The following CACNA1B variants were observed in gnomAD, a reference collection of about 807,000 sequenced individuals.
CACNA1B encodes the protein calcium voltage-gated channel subunit alpha1 B.
In CACNA1B, 70 loss-of-function variants were observed where a neutral mutation model predicts 247.2. That is an observed-to-expected ratio of 0.28 (90% confidence interval 0.23 to 0.35). The LOEUF (loss-of-function observed/expected upper bound fraction) is 0.35. Ranked by LOEUF, CACNA1B falls within the 10% of genes least tolerant of loss-of-function variation. The pLI is 1.00. For missense variants in CACNA1B, 2,367 were observed against 3,197.4 expected (o/e 0.74, Z 6.26); for synonymous variants, 1,231 against 1,294.4 (o/e 0.95, Z 1.05).
Position 138,074,003 on chromosome 9 carries a change from C to G in CACNA1B, c.4794C>G (p.Ala1598=). ...CTGACCGGCCCCTGTCTCCGCAGGC[C>G]CTGCCCTACGTGTGTCTGCTCATTG... ...LLWTFVQSFK[A]LPYVCLLIAM... The change falls in exon 34 of 47, where the codon GCC becomes GCG. Residue 1598 remains alanine (A), a splice_region_variant and synonymous_variant. Coordinates refer to ENST00000371372, the MANE Select transcript of CACNA1B (RefSeq NM_000718.4). 6 of 1,611,604 alleles carry G rather than the reference C, an allele frequency of 3.7e-6. No homozygotes were observed. Among genetic ancestry groups the G allele is most frequent in the Non-Finnish European group, 5.1e-6 (6 of 1,179,634 alleles).
chr9:138,042,170 A>G (rs984582314), intron 20 of CACNA1B, among the ~76,000 whole-genome samples: 5 of 152,150 alleles, frequency 3.3e-5, no homozygotes, highest in African/African-American at 1.2e-4. Context: ...TGTTATTGTA[A>G]AAAAACTTAC....
intron 31 of CACNA1B, among the ~76,000 whole-genome samples, chr9:138,061,084 C>T (rs546032026): frequency 1.3e-5 from 2 of 152,330 alleles, no homozygotes; most frequent in South Asian, 2.1e-4. Flanking sequence ...GTGAAGACTG[C>T]GCACAGGAGC....
intron 6 of CACNA1B, among the ~76,000 whole-genome samples, chr9:137,929,100 C>G (rs1564194140): frequency 6.6e-6 from 1 of 152,116 alleles, no homozygotes; most frequent in African/African-American, 2.4e-5. Flanking sequence ...GGGTATGGAC[C>G]TAGGATTGGA....
intron 8 of CACNA1B, 79 bp from the exon 9 acceptor site, chr9:137,956,692 C>G: frequency 8.3e-7 from 1 of 1,211,964 alleles, no homozygotes; most frequent in Non-Finnish European, 1.2e-6. Flanking sequence ...GCAGGGCCTT[C>G]CAGACAGAGA....
At chr9:138,023,893 G>T in intron 19 of CACNA1B, 82 bp downstream of exon 19, 2 of 707,448 alleles carry the variant, frequency 2.8e-6, no homozygotes, top group Middle Eastern at 7.7e-4. Flanking sequence ...CGGCCATGGG[G>T]TCCACGGCGG....
At position 138,114,251 on chromosome 9, in the gene CACNA1B, G is replaced by C. The variant is rs1961774702; in HGVS notation, c.5537-127G>C. 8 of 630,196 alleles carry C rather than the reference G, an allele frequency of 1.3e-5. No homozygotes were observed. In the South Asian group the frequency reaches 1.5e-4, roughly 12 times the overall value. 39.0% of individuals were successfully genotyped at this position (630,196 alleles called of 1,614,324 possible). On this transcript the variant is annotated intron_variant, in intron 40 of 46. Coordinates refer to ENST00000371372, the MANE Select transcript of CACNA1B (RefSeq NM_000718.4). ...TTCTGCCTGAGAGCCCTCTGTCCCA[G>C]TGCATTTCCAGGAGTCTTTGTGGGG...
chr9:137,981,474 A>G lies in CACNA1B; in HGVS notation c.1657-2664A>G, dbSNP rs151280810. ...AGGTTGATCCCCTGGTTGATTAAGC[A>G]TGTTTTCTACCTTTTTTTGTGTGTG... On this transcript the variant is annotated intron_variant, in intron 12 of 46. Transcript: ENST00000371372. Among the ~76,000 whole-genome samples the G allele has an allele frequency of 4.6e-3, 707 of 152,202 alleles. 1 individual carries two copies. Among genetic ancestry groups the G allele is most frequent in the Non-Finnish European group, 7.0e-3 (476 of 68,018 alleles).
rs566557444 is a variant in CACNA1B at position 137,918,016 on chromosome 9, C to T, written c.966+585C>T. 7.0e-4 allele frequency among the ~76,000 whole-genome samples: 106 copies of T among 152,320 alleles called. 1 individual carries two copies. Among genetic ancestry groups the T allele is most frequent in the Non-Finnish European group, 9.8e-4 (67 of 68,034 alleles). ...GGTGAACCGCGGAGCAGGGCCGAGG[C>T]CCCCAAGACCTTCCTCGGTCACGCA... On this transcript the variant is annotated intron_variant, in intron 6 of 46. Coordinates refer to ENST00000371372, the MANE Select transcript of CACNA1B (RefSeq NM_000718.4).
At chr9:138,004,593 G>A (rs886351119) in intron 15 of CACNA1B, among the ~76,000 whole-genome samples, 8 of 150,836 alleles carry the variant, frequency 5.3e-5, no homozygotes, top group Non-Finnish European at 1.0e-4. Flanking sequence ...AAGCTGTATT[G>A]TTGAATGAAA....
rs548901748 is a variant in CACNA1B, at chr9:138,000,646, T to C, written c.1975-6121T>C. 5.9e-5 allele frequency among the ~76,000 whole-genome samples: 9 copies of C among 152,296 alleles called. No homozygotes were observed. In the South Asian group the frequency reaches 1.7e-3, roughly 28 times the overall value. On this transcript the variant is annotated intron_variant, in intron 15 of 46. Transcript: ENST00000371372. ...GGATGAAATCATTTCATGAGGCTAG[T>C]ACAACCTTGACACCAAAGCCATGCA...
intron 39 of CACNA1B, 53 bp from the exon 40 acceptor site, chr9:138,112,345 G>T (rs1961668159): frequency 2.9e-6 from 4 of 1,356,990 alleles, no homozygotes; most frequent in Non-Finnish European, 4.2e-6. Flanking sequence ...CGGCTGCAGG[G>T]CTGCTCCTAA....
chr9:137,904,068 CT>C (rs1455279704), intron 3 of CACNA1B, among the ~76,000 whole-genome samples: 1 of 152,156 alleles, frequency 6.6e-6, no homozygotes, highest in Non-Finnish European at 1.5e-5. Context: ...TTTCCTTTCT[CT>C]CATTGGTTTG....
At chr9:138,076,751 CTT>C (rs1960333755) in intron 35 of CACNA1B, among the ~76,000 whole-genome samples, 1 of 152,348 alleles carries the variant, frequency 6.6e-6, no homozygotes, top group East Asian at 1.9e-4. Flanking sequence ...GGAAGGAGCT[CTT>C]TTAGGGATTT....
At chr9:138,078,616 G>A (rs1027798479) in intron 36 of CACNA1B, among the ~76,000 whole-genome samples, 1 of 152,186 alleles carries the variant, frequency 6.6e-6, no homozygotes, top group Non-Finnish European at 1.5e-5. Context: ...GGGGAGGTCG[G>A]CAGGGCAGGC....
intron 7 of CACNA1B, among the ~76,000 whole-genome samples, chr9:137,953,297 A>G (rs1293449749): frequency 6.6e-6 from 1 of 152,194 alleles, no homozygotes; most frequent in Non-Finnish European, 1.5e-5. Context: ...CTCCCCAGTG[A>G]GGCTGGAGGA....
Position 138,023,737 on chromosome 9 carries a change from G to T in CACNA1B, c.2994G>T (p.Glu998Asp). ...AHEAVEKETTEKEATEKEAEI... is the reference protein window; with the variant it reads ...AHEAVEKETTDKEATEKEAEI... ...AGGCTGTGGAGAAGGAGACCACGGA[G>T]AAGGAGGCCACGGAGAAGGAGGCTG... The change falls in exon 19 of 47, where the codon GAG becomes GAT. Residue 998 changes from glutamate (E) to aspartate (D), a missense_variant. Around this residue, in one of 12 missense-constraint regions of CACNA1B, gnomAD observed 631 missense variants for 631.1 expected, o/e 1.00. Transcript: ENST00000371372. The T allele has an allele frequency of 1.3e-6, 2 of 1,536,868 alleles. No individual in the cohort carries two copies. The highest frequency in any genetic ancestry group is 1.8e-6 in the Non-Finnish European group (2 of 1,139,152).
At chr9:137,925,688 A>G (rs1957540783) in intron 6 of CACNA1B, among the ~76,000 whole-genome samples, 1 of 151,064 alleles carries the variant, frequency 6.6e-6, no homozygotes, top group Non-Finnish European at 1.5e-5. Flanking sequence ...CTTCTTTTGG[A>G]TCTGCTTTTT....
chr9:137,910,538 C>T (rs555559298), intron 3 of CACNA1B, among the ~76,000 whole-genome samples: 1 of 152,150 alleles, frequency 6.6e-6, no homozygotes, highest in South Asian at 2.1e-4. Context: ...AATAATTATA[C>T]AACTCACCAT....
At position 138,029,627 on chromosome 9, in the gene CACNA1B, T is replaced by C. The variant is rs868712195; in HGVS notation, c.3286+4455T>C. Among the ~76,000 whole-genome samples the C allele has an allele frequency of 7.3e-4, 75 of 102,166 alleles. No individual in the cohort carries two copies. In the East Asian group the frequency reaches 0.012, roughly 17 times the overall value. The allele number at this position is 102,166 out of a possible 152,430, so 67.0% of individuals were successfully genotyped here. ...TCTTTTCCTTTTTTTTTTTTTTTTT[T>C]CCAGACAGGGTCTCGCTCTGTCGCC... is the stretch of plus-strand genomic sequence containing the variant. On this transcript the variant is annotated intron_variant, in intron 20 of 46. Coordinates refer to ENST00000371372, the MANE Select transcript of CACNA1B (RefSeq NM_000718.4).
Sources: allele counts gnomAD v4.1 joint callset (sites outside exome capture counted in the v4.1 genomes callset), GRCh38; gene constraint gnomAD v4.1.1; regional missense constraint gnomAD v4.1.1; transcripts MANE v1.5; gene names NCBI Gene and HGNC (gene_info 2026-07-23, HGNC 2026-07-21).